CLTC: variants seen among roughly 807,000 people sequenced by gnomAD.
The protein encoded by CLTC is clathrin heavy chain 1.
In CLTC, 16 loss-of-function variants were observed where a neutral mutation model predicts 195.8. The observed-to-expected ratio is 0.08, with a 90% CI of 0.06 to 0.12. The LOEUF is 0.12. CLTC is among the 10% of genes least tolerant of loss of function. The pLI, the probability that CLTC is intolerant of heterozygous loss-of-function variation, is 1.00. For missense variants in CLTC, 796 were observed against 2,027.0 expected, an observed-to-expected ratio of 0.39 and a Z score of 11.66; for synonymous variants, 667 against 689.4, an observed-to-expected ratio of 0.97 and a Z score of 0.51.
chr17:59,677,293 G>T, intron 17 of CLTC, 105 bp downstream of exon 17: 1 of 831,186 alleles, frequency 1.2e-6, no homozygotes, highest in South Asian at 1.7e-5. Context: ...GGGGACGGTG[G>T]GTGCTTTTTT....
At position 59,661,583 on chromosome 17, in the gene CLTC, T is replaced by C; in HGVS notation, c.1308T>C (p.Cys436=). ...QLNKYESLEL[C]RPVLQQGRKQ... ...ACAAATACGAATCCTTAGAGCTTTGTAGGCCTGTACTTCAGCAAGGGCGAA... is the reference window on the plus strand; with the variant it reads ...ACAAATACGAATCCTTAGAGCTTTGCAGGCCTGTACTTCAGCAAGGGCGAA... The change falls in exon 8 of 32, where the codon TGT becomes TGC. Residue 436 remains cysteine, a synonymous_variant. Coordinates refer to ENST00000269122, the MANE Select transcript of CLTC (RefSeq NM_004859.4). The C allele has an allele frequency of 6.2e-7, 1 of 1,614,120 alleles. No homozygotes were observed. The highest frequency in any genetic ancestry group is 8.5e-7 in the Non-Finnish European group (1 of 1,180,002).
chr17:59,692,225 G>A (rs560373540), intron 31 of CLTC, among the ~76,000 whole-genome samples: 2 of 152,330 alleles, frequency 1.3e-5, no homozygotes, highest in Admixed American at 1.3e-4. Flanking sequence ...GCTGAGGCAG[G>A]AGAATTGCTT....
chr17:59,620,435 G>A (rs1043273600), intron 1 of CLTC, among the ~76,000 whole-genome samples: 11 of 152,120 alleles, frequency 7.2e-5, no homozygotes, highest in Non-Finnish European at 1.0e-4. Flanking sequence ...TTGCTTCCTG[G>A]ATGGCCAGAA....
chr17:59,644,128 T>C (rs1237196511), intron 1 of CLTC, 148 bp from the exon 2 acceptor site: 1 of 641,894 alleles, frequency 1.6e-6, no homozygotes. Context: ...TACTTGGCTA[T>C]TAATAGTCTC....
At chr17:59,647,368 A>G (rs929661882) in intron 2 of CLTC, 30 bp from the exon 3 acceptor site, 1 of 1,563,502 alleles carries the variant, frequency 6.4e-7, no homozygotes, top group African/African-American at 1.4e-5. Flanking sequence ...TACTCTTTTA[A>G]TGATTTATAA....
intron 1 of CLTC, among the ~76,000 whole-genome samples, chr17:59,638,347 CAG>C (rs1316043806): frequency 2.0e-5 from 3 of 151,924 alleles, no homozygotes; most frequent in South Asian, 2.1e-4. Flanking sequence ...TAAAAAAAAA[CAG>C]AAGGCAATAT....
intron 18 of CLTC, 54 bp from the exon 19 acceptor site, chr17:59,680,857 GC>G: frequency 6.9e-7 from 1 of 1,443,982 alleles, no homozygotes; most frequent in Non-Finnish European, 9.3e-7. Context: ...GCCAACTTAC[GC>G]TTTTTTAAAA....
At chr17:59,637,067 C>T (rs2031884940) in intron 1 of CLTC, among the ~76,000 whole-genome samples, 1 of 151,434 alleles carries the variant, frequency 6.6e-6, no homozygotes, top group African/African-American at 2.4e-5. Flanking sequence ...CAGGAATGAG[C>T]CACCGTACCT....
At position 59,685,377 on chromosome 17, in the gene CLTC, C is replaced by T; in HGVS notation, c.4605+151C>T. On this transcript the variant is annotated intron_variant, in intron 29 of 31. Transcript: ENST00000269122. The surrounding 1 kb of genome is among the most constrained non-coding windows in gnomAD (Gnocchi z 5.0). Reference sequence around the variant, plus strand: ...TTAATGGATTTCTTGATTCTAGGGGCTCTCTTATGTTAAGGTCAAACTTGT... The same window carrying T: ...TTAATGGATTTCTTGATTCTAGGGGTTCTCTTATGTTAAGGTCAAACTTGT... 1 of 894,040 alleles carries T rather than the reference C, an allele frequency of 1.1e-6. No individual in the cohort carries two copies. The highest frequency in any genetic ancestry group is 2.8e-5 in the East Asian group (1 of 35,612). The allele number at this position is 894,040 out of a possible 1,614,324, so 55.4% of individuals were successfully genotyped here.
chr17:59,679,161 G>A (rs1442317975), intron 17 of CLTC, among the ~76,000 whole-genome samples: 1 of 152,100 alleles, frequency 6.6e-6, no homozygotes, highest in Non-Finnish European at 1.5e-5. Context: ...AGAACAGCTA[G>A]TAAAACACTG....
chr17:59,637,190 T>C (rs575725452), intron 1 of CLTC, among the ~76,000 whole-genome samples: 76 of 152,174 alleles, frequency 5.0e-4, no homozygotes, highest in African/African-American at 1.8e-3. Flanking sequence ...TAAATGTTGT[T>C]TGGTTTAAAT....
intron 6 of CLTC, 33 bp downstream of exon 6, chr17:59,656,060 A>G: frequency 6.4e-7 from 1 of 1,570,206 alleles, no homozygotes. Context: ...GCAATAAAAT[A>G]AGATAACCTG....
chr17:59,686,241 C>T (rs1445997749), intron 30 of CLTC, among the ~76,000 whole-genome samples: 1 of 151,804 alleles, frequency 6.6e-6, no homozygotes, highest in Admixed American at 6.6e-5. Flanking sequence ...TTTTAATCTT[C>T]ACAATTTTTT....
chr17:59,651,426 T>C, intron 5 of CLTC, 110 bp downstream of exon 5: 2 of 765,120 alleles, frequency 2.6e-6, no homozygotes, highest in Non-Finnish European at 4.3e-6. Flanking sequence ...AAGAATACTT[T>C]TTTAAAGTTT....
At chr17:59,642,894 A>G (rs556889436) in intron 1 of CLTC, among the ~76,000 whole-genome samples, 3 of 152,336 alleles carry the variant, frequency 2.0e-5, no homozygotes, top group South Asian at 4.1e-4. Flanking sequence ...AAGAGAAAGT[A>G]AAATGTAGCC....
chr17:59,642,823 C>T (rs2032076983), intron 1 of CLTC, among the ~76,000 whole-genome samples: 1 of 152,128 alleles, frequency 6.6e-6, no homozygotes, highest in Non-Finnish European at 1.5e-5. Flanking sequence ...TGTAACTACA[C>T]TTTATAACTG....
chr17:59,632,140 G>A (rs1227256025), intron 1 of CLTC, among the ~76,000 whole-genome samples: 2 of 151,852 alleles, frequency 1.3e-5, no homozygotes, highest in African/African-American at 2.4e-5. Context: ...AGGGTGAGGC[G>A]GGCGGATCAC....
At chr17:59,684,908 T>G in intron 28 of CLTC, 148 bp from the exon 29 acceptor site, 1 of 525,956 alleles carries the variant, frequency 1.9e-6, no homozygotes, top group East Asian at 3.1e-5. Flanking sequence ...AAATGGTATC[T>G]TTAGGTAAAA....
intron 14 of CLTC, among the ~76,000 whole-genome samples, chr17:59,669,920 C>A (rs1202978988): frequency 6.6e-6 from 1 of 152,142 alleles, no homozygotes; most frequent in Non-Finnish European, 1.5e-5. Flanking sequence ...GAAGAATTTA[C>A]TACCTGGGCT....
Sources: gnomAD v4.1 joint callset for allele counts (sites outside exome capture counted in the v4.1 genomes callset) on GRCh38, gnomAD v4.1.1 for gene constraint, Gnocchi (gnomAD v3.1) non-coding constraint, MANE v1.5 for transcripts, NCBI Gene and HGNC (gene_info 2026-07-23, HGNC 2026-07-21) for gene names.